Variants in NREP observed in about 807,000 individuals in gnomAD.
NREP encodes the protein neuronal regeneration-related protein.
Under a neutral mutation model 8.6 loss-of-function variants are expected in NREP, and 5 were observed. That is an observed-to-expected ratio of 0.58 (90% CI 0.30 to 1.22). NREP has a LOEUF of 1.22. NREP is among the 50% of genes most tolerant of loss of function. The probability of loss-of-function intolerance (pLI) is 0.07; values close to 1 mark genes in which losing one functional copy is unlikely to be tolerated. For missense variants in NREP, 86 were observed against 82.5 expected, an observed-to-expected ratio of 1.04 and a Z score of -0.17; for synonymous variants, 27 against 28.0, an observed-to-expected ratio of 0.96 and a Z score of 0.11.
chr5:111,813,541 T>G (rs1168863222), intron 2 of NREP, among the ~76,000 whole-genome samples: 2 of 152,118 alleles, frequency 1.3e-5, no homozygotes, highest in Non-Finnish European at 2.9e-5. Context: ...TCCTATATAT[T>G]TTTTCTTCTT....
At chr5:111,943,547 T>C (rs374584356) in intron 2 of NREP, among the ~76,000 whole-genome samples, 1 of 152,100 alleles carries the variant, frequency 6.6e-6, no homozygotes, top group African/African-American at 2.4e-5. Flanking sequence ...TCAACTTCGA[T>C]GTCCCACTGC....
At chr5:111,891,224 G>A (rs117294539) in intron 2 of NREP, among the ~76,000 whole-genome samples, 202 of 152,242 alleles carry the variant, frequency 1.3e-3, no homozygotes, top group East Asian at 9.3e-3. Context: ...CAAATATCTA[G>A]GGCAGAGATA....
chr5:111,909,901 TCTAA>T (rs1175831356), intron 2 of NREP, among the ~76,000 whole-genome samples: 2 of 152,098 alleles, frequency 1.3e-5, no homozygotes, highest in African/African-American at 2.4e-5. Flanking sequence ...TCCTTGCAAT[TCTAA>T]CTATTAAATG....
At chr5:111,851,758 TAA>T (rs1425016001) in intron 2 of NREP, among the ~76,000 whole-genome samples, 1 of 152,192 alleles carries the variant, frequency 6.6e-6, no homozygotes, top group African/African-American at 2.4e-5. Context: ...TGAAAAATGC[TAA>T]GAGTAAATTT....
chr5:111,837,317 G>T (rs948943412), intron 2 of NREP, among the ~76,000 whole-genome samples: 2 of 151,948 alleles, frequency 1.3e-5, no homozygotes, highest in Non-Finnish European at 2.9e-5. Flanking sequence ...AGTTTTTCAG[G>T]ACTGATGAGG....
At chr5:111,968,418 A>G (rs1381658338) in intron 2 of NREP, among the ~76,000 whole-genome samples, 1 of 152,228 alleles carries the variant, frequency 6.6e-6, no homozygotes, top group Non-Finnish European at 1.5e-5. Flanking sequence ...GTTTGAATAA[A>G]AGAAAAATGA....
intron 2 of NREP, among the ~76,000 whole-genome samples, chr5:111,967,802 AAAG>A (rs755855001): frequency 5.9e-5 from 9 of 152,174 alleles, no homozygotes; most frequent in Non-Finnish European, 1.3e-4. Context: ...TTAAAAAAAA[AAAG>A]AAGATCTTTT....
At chr5:111,741,947 T>C (rs1749707333) in intron 2 of NREP, among the ~76,000 whole-genome samples, 1 of 151,872 alleles carries the variant, frequency 6.6e-6, no homozygotes, top group African/African-American at 2.4e-5. Flanking sequence ...ATAAATGCCC[T>C]CCTGCTAGAA....
chr5:111,830,159 TTTG>T (rs1554101728), intron 2 of NREP, among the ~76,000 whole-genome samples: 236 of 152,256 alleles, frequency 1.6e-3, no homozygotes, highest in African/African-American at 5.6e-3. Context: ...AGCTGTTTTT[TTTG>T]TTGTTGTTGT....
chr5:111,907,815 T>C (rs763303905), intron 2 of NREP, among the ~76,000 whole-genome samples: 10 of 152,050 alleles, frequency 6.6e-5, no homozygotes, highest in Non-Finnish European at 4.4e-5. Context: ...GTCTGTCCCA[T>C]GGTGGATGAA....
At chr5:111,895,048 C>T (rs1169244620) in intron 2 of NREP, among the ~76,000 whole-genome samples, 1 of 152,194 alleles carries the variant, frequency 6.6e-6, no homozygotes, top group Non-Finnish European at 1.5e-5. Context: ...TTCAAAGCAG[C>T]TTTATGCTGC....
At chr5:111,815,755 A>T (rs2112918876) in intron 2 of NREP, among the ~76,000 whole-genome samples, 1 of 152,262 alleles carries the variant, frequency 6.6e-6, no homozygotes, top group South Asian at 2.1e-4. Context: ...CAAGCCACAG[A>T]TCCAAAAAAC....
At chr5:111,849,809 T>C (rs1753266038) in intron 2 of NREP, among the ~76,000 whole-genome samples, 1 of 152,116 alleles carries the variant, frequency 6.6e-6, no homozygotes, top group Non-Finnish European at 1.5e-5. Flanking sequence ...ACTGATATGA[T>C]ACATACAACT....
intron 2 of NREP, among the ~76,000 whole-genome samples, chr5:111,851,605 G>C (rs1472341446): frequency 6.6e-6 from 1 of 152,132 alleles, no homozygotes; most frequent in Non-Finnish European, 1.5e-5. Flanking sequence ...TGAAAGTGCA[G>C]AGAGTAGAAG....
chr5:111,743,565 AAAAG>A (rs1431561193), intron 2 of NREP, among the ~76,000 whole-genome samples: 2 of 152,310 alleles, frequency 1.3e-5, no homozygotes, highest in African/African-American at 4.8e-5. Flanking sequence ...TAAGAATTTA[AAAAG>A]AAAGAACAAA....
intron 2 of NREP, among the ~76,000 whole-genome samples, chr5:111,746,731 T>C (rs952922527): frequency 3.3e-5 from 5 of 152,124 alleles, no homozygotes; most frequent in East Asian, 1.9e-4. Flanking sequence ...GAAAATACTT[T>C]TACAAAAAGA....
At chr5:111,859,859 T>C (rs1753506093) in intron 2 of NREP, among the ~76,000 whole-genome samples, 1 of 152,102 alleles carries the variant, frequency 6.6e-6, no homozygotes, top group Admixed American at 6.6e-5. Flanking sequence ...TAAACCTAAA[T>C]TAATTCAGGA....
At chr5:111,955,087 C>T (rs576917344) in intron 2 of NREP, among the ~76,000 whole-genome samples, 1 of 152,258 alleles carries the variant, frequency 6.6e-6, no homozygotes, top group East Asian at 1.9e-4. Context: ...TGTCTCCATT[C>T]GTTGATATTC....
At chr5:111,894,618 C>G (rs990362655) in intron 2 of NREP, among the ~76,000 whole-genome samples, 4 of 152,132 alleles carry the variant, frequency 2.6e-5, no homozygotes, top group African/African-American at 9.7e-5. Flanking sequence ...TTCTCCAGTT[C>G]CAAAGACAAA....
Sources: gnomAD v4.1 joint callset for allele counts (sites outside exome capture counted in the v4.1 genomes callset) on GRCh38, gnomAD v4.1.1 for gene constraint, MANE v1.5 for transcripts, NCBI Gene and HGNC (gene_info 2026-07-23, HGNC 2026-07-21) for gene names.